Variants in RTN4 observed in about 807,000 individuals in gnomAD.
RTN4 encodes reticulon 4, also known as reticulon-4.
In RTN4, 32 loss-of-function variants were observed where a neutral mutation model predicts 90.4. That is an observed-to-expected ratio of 0.35 (90% CI 0.27 to 0.48). RTN4 has a LOEUF of 0.48. RTN4 is among the 20% of genes least tolerant of loss of function. The pLI, the probability that RTN4 is intolerant of heterozygous loss-of-function variation, is 0.99. For synonymous variants in RTN4, 629 were observed against 552.5 expected (o/e 1.14, Z -1.94); for missense variants, 1,706 against 1,430.2 (o/e 1.19, Z -3.11).
chr2:54,987,524 G>A lies in RTN4; in HGVS notation c.3188C>T (p.Ala1063Val). The change falls in exon 4 of 9, where the codon GCT becomes GTT. Residue 1063 changes from alanine (A) to valine (V), a missense_variant. By Grantham distance (64) the Ala-to-Val change is moderately conservative. Coordinates refer to ENST00000337526, the MANE Select transcript of RTN4 (RefSeq NM_020532.5). ...SFRIYKGVIQ[A>V]IQKSDEGHPF... is the part of the protein sequence containing the mutation. ...GTGGCCTTCATCTGATTTCTGGATAGCTTGGATCACACCCTTGTATATCCT... is the reference window on the plus strand; with the variant it reads ...GTGGCCTTCATCTGATTTCTGGATAACTTGGATCACACCCTTGTATATCCT... 1 of 1,614,100 alleles carries A rather than the reference G, an allele frequency of 6.2e-7. No individual in the cohort carries two copies. Among genetic ancestry groups the A allele is most frequent in the Non-Finnish European group, 8.5e-7 (1 of 1,179,974 alleles).
At chr2:55,084,134 T>C (rs141513682) in intron 1 of RTN4, among the ~76,000 whole-genome samples, 95 of 152,240 alleles carry the variant, frequency 6.2e-4, no homozygotes, top group Middle Eastern at 3.4e-3. Context: ...GTCTACATGA[T>C]TAAGCCTCCA....
At chr2:55,118,067 C>T in the RTN4 span, among the ~76,000 whole-genome samples, 1 of 152,098 alleles carries the variant, frequency 6.6e-6, no homozygotes, top group African/African-American at 2.4e-5. Context: ...GCAACCCCAC[C>T]CCTGAGAAGA....
At chr2:54,983,895 A>C (rs1195751743) in intron 4 of RTN4, among the ~76,000 whole-genome samples, 3 of 152,232 alleles carry the variant, frequency 2.0e-5, no homozygotes, top group African/African-American at 7.2e-5. Flanking sequence ...GACTTTCCTC[A>C]GTTCCTTCAG....
chr2:55,133,273 G>T, the RTN4 span, among the ~76,000 whole-genome samples: 1 of 152,156 alleles, frequency 6.6e-6, no homozygotes, highest in South Asian at 2.1e-4. Context: ...TATATATGGG[G>T]TTCATAAGAT....
intron 3 of RTN4, among the ~76,000 whole-genome samples, chr2:54,995,786 G>A (rs1202863726): frequency 6.6e-6 from 1 of 152,106 alleles, no homozygotes; most frequent in African/African-American, 2.4e-5. Context: ...TCTTTAGAAT[G>A]TGGGAAGAAA....
intron 3 of RTN4, among the ~76,000 whole-genome samples, chr2:55,007,214 C>T (rs971647204): frequency 6.6e-6 from 1 of 152,074 alleles, no homozygotes; most frequent in Non-Finnish European, 1.5e-5. Flanking sequence ...GTATTCCTTC[C>T]TTGAATTTCT....
chr2:55,010,517 A>G (rs147961951), intron 3 of RTN4: 40 of 240,168 alleles, frequency 1.7e-4, no homozygotes, highest in African/African-American at 8.9e-4. Flanking sequence ...AGCCATATGC[A>G]GTTTTTTTTT....
chr2:54,996,225 A>C (rs1272014457), intron 3 of RTN4, among the ~76,000 whole-genome samples: 3 of 152,094 alleles, frequency 2.0e-5, no homozygotes, highest in African/African-American at 4.8e-5. Context: ...AATTGGAAAG[A>C]CTCCTGTTCA....
intron 1 of RTN4, among the ~76,000 whole-genome samples, chr2:55,102,947 C>G (rs149028827): frequency 2.0e-5 from 3 of 151,588 alleles, no homozygotes; most frequent in Non-Finnish European, 4.4e-5. Flanking sequence ...GGAGAAACCC[C>G]GTCTCTACTA....
intron 3 of RTN4, among the ~76,000 whole-genome samples, chr2:54,993,713 G>A (rs1679204364): frequency 6.6e-6 from 1 of 152,180 alleles, no homozygotes; most frequent in African/African-American, 2.4e-5. Flanking sequence ...CAAGTACTAG[G>A]AATGCTCTGG....
intron 3 of RTN4, among the ~76,000 whole-genome samples, chr2:55,011,559 T>C (rs1022830225): frequency 2.0e-5 from 3 of 152,256 alleles, no homozygotes; most frequent in South Asian, 2.1e-4. Context: ...TGTACAAAAA[T>C]ACATACTTAA....
At chr2:55,079,599 C>T (rs573357175) in intron 2 of RTN4, among the ~76,000 whole-genome samples, 11 of 152,266 alleles carry the variant, frequency 7.2e-5, no homozygotes, top group African/African-American at 2.6e-4. Flanking sequence ...TTTAATGAAA[C>T]CTCCATCTTT....
chr2:55,023,933 T>G (rs1681630993), intron 3 of RTN4, among the ~76,000 whole-genome samples: 1 of 152,162 alleles, frequency 6.6e-6, no homozygotes, highest in African/African-American at 2.4e-5. Context: ...TGATTCTTCC[T>G]AATTGGTATC....
At chr2:55,075,184 G>T (rs904172271) in intron 2 of RTN4, among the ~76,000 whole-genome samples, 3 of 152,152 alleles carry the variant, frequency 2.0e-5, no homozygotes, top group African/African-American at 7.2e-5. Context: ...AAACCCTGAA[G>T]ACATCCAACA....
chr2:55,118,464 CAA>C, the RTN4 span, among the ~76,000 whole-genome samples: 1 of 143,894 alleles, frequency 6.9e-6, no homozygotes, highest in Non-Finnish European at 1.5e-5. Flanking sequence ...GACCCTGTCT[CAA>C]AAAAAAAAGA....
At chr2:55,063,404 G>A (rs114159506) in intron 2 of RTN4, among the ~76,000 whole-genome samples, 69 of 152,270 alleles carry the variant, frequency 4.5e-4, no homozygotes, top group South Asian at 2.7e-3. Flanking sequence ...GAAAGGGCTT[G>A]CTTGGCATGT....
At chr2:55,088,613 G>A (rs562873596) in intron 1 of RTN4, among the ~76,000 whole-genome samples, 26 of 152,314 alleles carry the variant, frequency 1.7e-4, no homozygotes, top group South Asian at 1.7e-3. Context: ...ATGCTATCAT[G>A]CTGAAAATAT....
At chr2:54,997,537 C>T (rs1265989250) in intron 3 of RTN4, among the ~76,000 whole-genome samples, 1 of 152,086 alleles carries the variant, frequency 6.6e-6, no homozygotes, top group African/African-American at 2.4e-5. Flanking sequence ...AACACAAAAA[C>T]TTAACACACA....
At chr2:54,973,449 C>CACTT (rs1415662843) in intron 8 of RTN4, 114 bp downstream of exon 8, 4 of 872,340 alleles carry the variant, frequency 4.6e-6, no homozygotes, top group African/African-American at 1.7e-5. Flanking sequence ...TCTGAAGTCA[C>CACTT]ACTTAAGGTC....
Sources: gnomAD v4.1 joint callset for allele counts (sites outside exome capture counted in the v4.1 genomes callset) on GRCh38, gnomAD v4.1.1 for gene constraint, MANE v1.5 for transcripts, NCBI Gene and HGNC (gene_info 2026-07-23, HGNC 2026-07-21) for gene names.